TSGA10: variants seen among roughly 807,000 people sequenced by gnomAD.
The protein encoded by TSGA10 is testis-specific gene 10 protein.
TSGA10 carries 43 observed loss-of-function variants against 96.6 expected under a neutral mutation model. The observed-to-expected ratio is 0.44, with a 90% CI of 0.35 to 0.57. The LOEUF (loss-of-function observed/expected upper bound fraction) is 0.57. Ranked by LOEUF, TSGA10 falls within the 20% of genes least tolerant of loss-of-function variation. The probability of loss-of-function intolerance (pLI) is 0.01; values close to 1 mark genes in which losing one functional copy is unlikely to be tolerated. For missense variants in TSGA10, 703 were observed against 834.4 expected, an observed-to-expected ratio of 0.84 and a Z score of 1.94; for synonymous variants, 229 against 269.9, an observed-to-expected ratio of 0.85 and a Z score of 1.48.
chr2:99,005,887 A>T (rs535270237), intron 20 of TSGA10, among the ~76,000 whole-genome samples: 1 of 152,350 alleles, frequency 6.6e-6, no homozygotes, highest in East Asian at 1.9e-4. Context: ...ACCTGACTTC[A>T]AACTATACTA....
chr2:99,148,460 A>G (rs770504965), intron 1 of TSGA10: 2 of 152,220 alleles, frequency 1.3e-5, no homozygotes, highest in Non-Finnish European at 2.9e-5. Context: ...CCTAATTGTT[A>G]TATTAATATT....
intron 12 of TSGA10, among the ~76,000 whole-genome samples, chr2:99,073,703 G>A (rs951545437): frequency 6.6e-6 from 1 of 152,102 alleles, no homozygotes; most frequent in African/African-American, 2.4e-5. Flanking sequence ...TTTCAAAGGC[G>A]TGATGAGGGA....
At chr2:99,071,320 C>CA (rs1437708108) in intron 14 of TSGA10, among the ~76,000 whole-genome samples, 2 of 151,302 alleles carry the variant, frequency 1.3e-5, no homozygotes, top group African/African-American at 2.4e-5. Flanking sequence ...TAATGAGAAC[C>CA]AAAAAACAAG....
chr2:99,068,980 T>C lies in TSGA10; in HGVS notation c.1126A>G (p.Asn376Asp). Residue 376 changes from asparagine to aspartate, a missense_variant, in exon 15 of 21, where the codon AAT (asparagine) becomes GAT (aspartate). Asn to Asp is a conservative substitution (Grantham distance 23). Transcript: ENST00000393483. ...TCATTAAGTTCATTATGAGTGTCATTCAATTTTTTGGACAGTGCCTACGAA... is the reference window on the plus strand; with the variant it reads ...TCATTAAGTTCATTATGAGTGTCATCCAATTTTTTGGACAGTGCCTACGAA... Reference protein sequence around the residue: ...QENQALSKKLNDTHNELNDIK... With the variant: ...QENQALSKKLDDTHNELNDIK... 6.8e-7 allele frequency: 1 copy of C among 1,466,432 alleles called. No individual in the cohort carries two copies. Among genetic ancestry groups the C allele is most frequent in the South Asian group, 1.6e-5 (1 of 61,678 alleles). The allele number at this position is 1,466,432 out of a possible 1,614,324, so 90.8% of individuals were successfully genotyped here.
chr2:99,096,708 G>C (rs191151712), intron 10 of TSGA10, among the ~76,000 whole-genome samples: 1 of 152,092 alleles, frequency 6.6e-6, no homozygotes, highest in Admixed American at 6.6e-5. Context: ...ACTGGGAAAC[G>C]AGGAGGCAAC....
At chr2:99,132,311 T>C (rs2093129992) in intron 1 of TSGA10, among the ~76,000 whole-genome samples, 1 of 152,072 alleles carries the variant, frequency 6.6e-6, no homozygotes, top group Non-Finnish European at 1.5e-5. Context: ...GAACTTGTTA[T>C]TGGTCTATTC....
intron 10 of TSGA10, among the ~76,000 whole-genome samples, chr2:99,083,777 C>T (rs2087855602): frequency 6.6e-6 from 1 of 151,952 alleles, no homozygotes; most frequent in Non-Finnish European, 1.5e-5. Context: ...CAGAGTTGGA[C>T]AACAGATTAG....
At chr2:99,088,569 A>G (rs1260242976) in intron 10 of TSGA10, among the ~76,000 whole-genome samples, 1 of 152,182 alleles carries the variant, frequency 6.6e-6, no homozygotes, top group East Asian at 1.9e-4. Flanking sequence ...CTGATTTAAA[A>G]GGGCTGCATT....
chr2:99,021,626 G>T (rs528640463), intron 17 of TSGA10, among the ~76,000 whole-genome samples: 6 of 152,254 alleles, frequency 3.9e-5, no homozygotes, highest in African/African-American at 1.4e-4. Flanking sequence ...TGGAGTGGGG[G>T]CAGCACTATG....
At chr2:99,042,988 C>T (rs1230220240) in intron 16 of TSGA10, among the ~76,000 whole-genome samples, 2 of 152,098 alleles carry the variant, frequency 1.3e-5, no homozygotes, top group Non-Finnish European at 2.9e-5. Context: ...GATGAGGCCA[C>T]CATGCCTGGC....
At chr2:99,087,316 G>C (rs1461157963) in intron 10 of TSGA10, among the ~76,000 whole-genome samples, 2 of 151,994 alleles carry the variant, frequency 1.3e-5, no homozygotes, top group Non-Finnish European at 1.5e-5. Context: ...AAACCAGCCT[G>C]ACCAACGTGG....
chr2:99,058,618 T>A (rs541249613), intron 16 of TSGA10, among the ~76,000 whole-genome samples: 1 of 152,156 alleles, frequency 6.6e-6, no homozygotes, highest in East Asian at 1.9e-4. Context: ...TGCTACAAAT[T>A]ACCAATAACA....
intron 1 of TSGA10, among the ~76,000 whole-genome samples, chr2:99,140,049 T>G (rs940365640): frequency 6.6e-6 from 1 of 152,202 alleles, no homozygotes; most frequent in African/African-American, 2.4e-5. Context: ...CCTGATTATA[T>G]TCTGGGCTAC....
chr2:99,128,984 G>A (rs1287878098), intron 1 of TSGA10, among the ~76,000 whole-genome samples: 1 of 152,170 alleles, frequency 6.6e-6, no homozygotes. Flanking sequence ...CTGGGCTCAA[G>A]AGATCCTCCC....
At chr2:99,079,908 T>C (rs889164187) in intron 11 of TSGA10, among the ~76,000 whole-genome samples, 2 of 152,176 alleles carry the variant, frequency 1.3e-5, no homozygotes, top group Admixed American at 6.5e-5. Context: ...TACTGGAGAA[T>C]ACACCATGTC....
At chr2:99,146,016 G>A (rs1028125822) in intron 1 of TSGA10, among the ~76,000 whole-genome samples, 5 of 152,082 alleles carry the variant, frequency 3.3e-5, no homozygotes, top group Admixed American at 3.3e-4. Flanking sequence ...AGGTACGGTG[G>A]CTCATGCTGT....
intron 20 of TSGA10, among the ~76,000 whole-genome samples, chr2:99,002,465 T>G (rs1214118634): frequency 6.6e-6 from 1 of 152,162 alleles, no homozygotes; most frequent in Non-Finnish European, 1.5e-5. Flanking sequence ...AGGCCTGCCC[T>G]AAAAGAGCTC....
At chr2:99,019,357 G>T (rs1387049978) in intron 18 of TSGA10, among the ~76,000 whole-genome samples, 3 of 152,274 alleles carry the variant, frequency 2.0e-5, no homozygotes, top group Admixed American at 6.5e-5. Flanking sequence ...GGAAGTTTTG[G>T]CGTATTTCAC....
chr2:99,002,497 G>A (rs996537218), intron 20 of TSGA10, among the ~76,000 whole-genome samples: 2 of 152,166 alleles, frequency 1.3e-5, no homozygotes, highest in Non-Finnish European at 2.9e-5. Context: ...ACTAAACATG[G>A]AAAGGAACAA....
Sources: allele counts gnomAD v4.1 joint callset (sites outside exome capture counted in the v4.1 genomes callset), GRCh38; gene constraint gnomAD v4.1.1; transcripts MANE v1.5; gene names NCBI Gene and HGNC (gene_info 2026-07-23, HGNC 2026-07-21).